The following WRNIP1 variants were observed in gnomAD, a reference collection of about 807,000 sequenced individuals.
WRNIP1 encodes the protein ATPase WRNIP1.
In WRNIP1, 41 loss-of-function variants were observed where a neutral mutation model predicts 56.1. That is an observed-to-expected ratio of 0.73 (90% CI 0.57 to 0.95). The LOEUF is 0.95. Among genes scored for constraint, WRNIP1 ranks in the 40% least tolerant of loss-of-function variants. The pLI is 0.00. For missense variants in WRNIP1, 1,170 were observed against 939.4 expected (o/e 1.25, Z -3.21); for synonymous variants, 547 against 398.1 (o/e 1.37, Z -4.45).
chr6:2,765,649 C>T lies in WRNIP1; in HGVS notation c.27C>T (p.Asp9=), dbSNP rs746228836. The change falls in exon 1 of 7, where the codon GAC becomes GAT. Residue 9 remains aspartate, a synonymous_variant. Transcript: ENST00000380773. MEVSGPED[D]PFLSQLHQVQ... is the part of the protein sequence containing the mutation. ...TGGAGGTGAGCGGGCCGGAAGACGACCCCTTCCTTTCGCAGCTGCACCAGG... is the reference window on the plus strand; with the variant it reads ...TGGAGGTGAGCGGGCCGGAAGACGATCCCTTCCTTTCGCAGCTGCACCAGG... The T allele has an allele frequency of 4.3e-5, 66 of 1,545,798 alleles. No homozygotes were observed. The highest frequency in any genetic ancestry group is 3.7e-4 in the East Asian group (14 of 38,174).
At chr6:2,783,312 G>A (rs538839129) in intron 4 of WRNIP1, 94 bp from the exon 5 acceptor site, 26 of 1,379,918 alleles carry the variant, frequency 1.9e-5, no homozygotes, top group Middle Eastern at 5.0e-4. Flanking sequence ...GCCTTTATTC[G>A]TTCAGGCTTT....
intron 3 of WRNIP1, chr6:2,774,425 C>G (rs936364526): frequency 1.7e-5 from 5 of 298,210 alleles, no homozygotes; most frequent in Admixed American, 6.5e-5. Flanking sequence ...CATTCCTTGG[C>G]TTATGACTAT....
At chr6:2,768,410 A>G (rs1765122193) in intron 1 of WRNIP1, among the ~76,000 whole-genome samples, 1 of 152,228 alleles carries the variant, frequency 6.6e-6, no homozygotes, top group Non-Finnish European at 1.5e-5. Flanking sequence ...CAAAGATCTT[A>G]AAGAGTCACC....
chr6:2,773,915 G>GT, intron 3 of WRNIP1: 2 of 985,308 alleles, frequency 2.0e-6, no homozygotes, highest in Non-Finnish European at 2.4e-6. Context: ...CTGTCCCTGG[G>GT]TAAGGGCTGT....
chr6:2,771,173 C>T (rs567438009), intron 3 of WRNIP1, among the ~76,000 whole-genome samples: 2 of 152,278 alleles, frequency 1.3e-5, no homozygotes, highest in South Asian at 2.1e-4. Context: ...TGCAGCTGCT[C>T]GTGCCTGCCC....
intron 3 of WRNIP1, among the ~76,000 whole-genome samples, chr6:2,778,489 ATGTGAC>A (rs1450282803): frequency 6.6e-6 from 1 of 152,210 alleles, no homozygotes; most frequent in Non-Finnish European, 1.5e-5. Flanking sequence ...AAATTTAGAA[ATGTGAC>A]TGTAAGTTTT....
At chr6:2,782,495 C>T (rs1453375521) in intron 4 of WRNIP1, among the ~76,000 whole-genome samples, 1 of 152,236 alleles carries the variant, frequency 6.6e-6, no homozygotes, top group Non-Finnish European at 1.5e-5. Context: ...GTGGCTGGCG[C>T]CAGTCGTATT....
At chr6:2,771,685 T>C (rs1438977664) in intron 3 of WRNIP1, among the ~76,000 whole-genome samples, 2 of 152,226 alleles carry the variant, frequency 1.3e-5, no homozygotes, top group South Asian at 2.1e-4. Context: ...GGTAAGTATA[T>C]AATGCAAATA....
In WRNIP1 at chr6:2,769,838, C is replaced by T. The variant is rs1009341780; in HGVS notation, c.1015-282C>T. ...AAGATGGTTTTCTGAGTAAAGAAATCATTTATGTTGAAACTAAGCTAGAAT... is the reference window on the plus strand; with the variant it reads ...AAGATGGTTTTCTGAGTAAAGAAATTATTTATGTTGAAACTAAGCTAGAAT... On this transcript the variant is annotated intron_variant, in intron 2 of 6. Transcript: ENST00000380773. Among the ~76,000 whole-genome samples the T allele has an allele frequency of 4.6e-5, 7 of 152,152 alleles. 1 individual carries two copies. The highest frequency in any genetic ancestry group is 3.9e-4 in the Admixed American group (6 of 15,286).
intron 2 of WRNIP1, among the ~76,000 whole-genome samples, chr6:2,769,468 A>T (rs534174410): frequency 3.9e-4 from 59 of 151,282 alleles, no homozygotes; most frequent in Middle Eastern, 3.4e-3. Context: ...TACTCTAAAT[A>T]AAAAAAAATT....
At position 2,766,027 on chromosome 6, in the gene WRNIP1, G is replaced by T; in HGVS notation, c.405G>T (p.Gly135=). The T allele has an allele frequency of 7.6e-7, 1 of 1,321,370 alleles. No homozygotes were observed. Among genetic ancestry groups the T allele is most frequent in the Non-Finnish European group, 9.6e-7 (1 of 1,037,942 alleles). 81.9% of individuals were successfully genotyped at this position (1,321,370 alleles called of 1,614,324 possible). A position where few individuals can be genotyped will look rare whatever the true frequency, so the allele number is the denominator to read the frequency against. ...DFPVARSSSP[G]RKGSGKRPAA... Reference sequence around the variant, plus strand: ...CGGTGGCCCGCTCCAGCAGCCCCGGGAGGAAGGGGTCGGGGAAGAGGCCGG... The same window carrying T: ...CGGTGGCCCGCTCCAGCAGCCCCGGTAGGAAGGGGTCGGGGAAGAGGCCGG... Residue 135 remains glycine, a synonymous_variant, in exon 1 of 7, where the codon GGG becomes GGT. Coordinates refer to ENST00000380773, the MANE Select transcript of WRNIP1 (RefSeq NM_020135.3).
intron 3 of WRNIP1, among the ~76,000 whole-genome samples, chr6:2,771,058 C>T (rs1165362234): frequency 6.6e-6 from 1 of 152,016 alleles, no homozygotes; most frequent in African/African-American, 2.4e-5. Flanking sequence ...AATATTAGAA[C>T]ATATTCTTCA....
rs192245608 is a variant in WRNIP1 at position 2,782,984 on chromosome 6, A to C, written c.1487-422A>C. 2.8e-4 allele frequency among the ~76,000 whole-genome samples: 43 copies of C among 152,316 alleles called. 1 individual carries two copies. The highest frequency in any genetic ancestry group is 9.4e-4 in the African/African-American group (39 of 41,576). On this transcript the variant is annotated intron_variant, in intron 4 of 6. Transcript: ENST00000380773. ...ATGGGCTATAACAGCTGCCCTTGCC[A>C]CTTGGCTCTACATCCTCCTGGCTCC...
At chr6:2,780,994 A>G (rs1337284852) in intron 4 of WRNIP1, among the ~76,000 whole-genome samples, 1 of 152,218 alleles carries the variant, frequency 6.6e-6, no homozygotes, top group East Asian at 1.9e-4. Flanking sequence ...CCATTTTAAG[A>G]TAACAAAGCA....
intron 3 of WRNIP1, among the ~76,000 whole-genome samples, chr6:2,776,264 T>C (rs1765428545): frequency 1.3e-5 from 2 of 152,234 alleles, no homozygotes. Flanking sequence ...AAGTGGAACC[T>C]TTCCCTGCTC....
In WRNIP1 at chr6:2,783,390, C is replaced by T; in HGVS notation, c.1487-16C>T. 1 of 1,572,880 alleles carries T rather than the reference C, an allele frequency of 6.4e-7. No individual in the cohort carries two copies. The highest frequency in any genetic ancestry group is 8.7e-7 in the Non-Finnish European group (1 of 1,153,990). ...TCCTGTGAGCTCTGTGTGAGTGGTG[C>T]TCTTTGTGATGTCAGGTGAGGAGCA... On this transcript the variant is annotated splice_polypyrimidine_tract_variant and intron_variant, in intron 4 of 6. Coordinates refer to ENST00000380773, the MANE Select transcript of WRNIP1 (RefSeq NM_020135.3).
rs115052502 is a variant in WRNIP1 at position 2,774,398 on chromosome 6, C to G, written c.1256+4037C>G. 6.1e-3 allele frequency: 3,023 copies of G among 494,580 alleles called. 83 individuals carry two copies. Among genetic ancestry groups the G allele is most frequent in the African/African-American group, 0.059 (2,820 of 47,866 alleles). 30.6% of individuals were successfully genotyped at this position (494,580 alleles called of 1,614,324 possible). A position where few individuals can be genotyped will look rare whatever the true frequency, so the allele number is the denominator to read the frequency against. On this transcript the variant is annotated intron_variant, in intron 3 of 6. Coordinates refer to ENST00000380773, the MANE Select transcript of WRNIP1 (RefSeq NM_020135.3). ...TCAACAAGGCGATGCTCTCATCCAGCATCTGATGGCCCTTGGCATTCCTTG... is the reference window on the plus strand; with the variant it reads ...TCAACAAGGCGATGCTCTCATCCAGGATCTGATGGCCCTTGGCATTCCTTG...
At chr6:2,777,948 G>T (rs1229000369) in intron 3 of WRNIP1, among the ~76,000 whole-genome samples, 2 of 152,220 alleles carry the variant, frequency 1.3e-5, no homozygotes, top group Non-Finnish European at 2.9e-5. Context: ...CTGGCCAGTT[G>T]TCTTAGGTGT....
intron 4 of WRNIP1, among the ~76,000 whole-genome samples, chr6:2,782,865 C>T (rs770901618): frequency 2.0e-4 from 30 of 152,332 alleles, no homozygotes; most frequent in Admixed American, 1.6e-3. Context: ...CCCTGCCACA[C>T]AGGTGTCCCC....
Sources: allele counts gnomAD v4.1 joint callset (sites outside exome capture counted in the v4.1 genomes callset), GRCh38; gene constraint gnomAD v4.1.1; transcripts MANE v1.5; gene names NCBI Gene and HGNC (gene_info 2026-07-23, HGNC 2026-07-21).